ZNF493: variants seen among roughly 807,000 people sequenced by gnomAD.
ZNF493 encodes the protein zinc finger protein 493.
ZNF493 carries 11 observed loss-of-function variants against 12.2 expected under a neutral mutation model. The ratio of observed to expected loss-of-function variants is 0.90; its 90% CI spans 0.57 to 1.50. The LOEUF (loss-of-function observed/expected upper bound fraction) is 1.50, where lower values mean the gene tolerates loss of function less well. ZNF493 is among the 40% of genes most tolerant of loss of function. The pLI is 0.00. For synonymous variants in ZNF493, 286 were observed against 302.6 expected, an observed-to-expected ratio of 0.95 and a Z score of 0.57; for missense variants, 950 against 906.6, an observed-to-expected ratio of 1.05 and a Z score of -0.61.
intron 3 of ZNF493, chr19:21,413,036 G>T (rs2030374677): frequency 1.3e-5 from 4 of 317,570 alleles, no homozygotes; most frequent in South Asian, 1.0e-4. Flanking sequence ...ACACAGTGTG[G>T]CTGTGGCACA....
At chr19:21,399,067 G>A (rs905525444) in intron 1 of ZNF493, 1 of 152,588 alleles carries the variant, frequency 6.6e-6, no homozygotes, top group African/African-American at 2.4e-5. Context: ...GAGCACACAA[G>A]TGAGCAGGAG....
chr19:21,405,561 A>G (rs775078282), intron 2 of ZNF493, 200 bp from the exon 3 acceptor site: 13 of 1,251,284 alleles, frequency 1.0e-5, no homozygotes, highest in Non-Finnish European at 1.3e-5. Flanking sequence ...CTAATTTTTT[A>G]TCCATGAATA....
At chr19:21,408,198 T>C in intron 3 of ZNF493, 1 of 923,724 alleles carries the variant, frequency 1.1e-6, no homozygotes, top group Non-Finnish European at 1.3e-6. Context: ...TGATCTCAGC[T>C]CATCAAAACT....
Position 21,422,925 on chromosome 19 carries a change from ATTTTGCTGAAGAC to A in ZNF493, c.273_285del (p.Glu92GlnfsTer12), listed in dbSNP as rs756497176. On this transcript the variant is annotated frameshift_variant, in exon 4 of 4. Transcript: ENST00000392288. LOFTEE classifies it low-confidence loss of function (END_TRUNC). ...TTATTTCTTTCAGTTATATGTTCTC[ATTTTGCTGAAGAC>A]TTTTGCCCAGGGCCAGGCATTAAAG... 1 of 1,555,460 alleles carries A rather than the reference ATTTTGCTGAAGAC, an allele frequency of 6.4e-7. No homozygotes were observed. The highest frequency in any genetic ancestry group is 8.7e-7 in the Non-Finnish European group (1 of 1,156,052).
Position 21,425,204 on chromosome 19 carries a change from C to A in ZNF493, c.*220C>A. On this transcript the variant is annotated 3_prime_UTR_variant, in exon 4 of 4. Transcript: ENST00000392288. ...AATTCTACAGATGTGAAGAATGTGG[C>A]AAAGGCTTTAATTAGTTCTCATCCC... The A allele has an allele frequency of 1.6e-6, 1 of 636,688 alleles. No individual in the cohort carries two copies. The highest frequency in any genetic ancestry group is 2.7e-5 in the Admixed American group (1 of 37,092). 39.4% of individuals were successfully genotyped at this position (636,688 alleles called of 1,614,324 possible). A position where few individuals can be genotyped will look rare whatever the true frequency, so the allele number is the denominator to read the frequency against.
At position 21,405,761 on chromosome 19, in the gene ZNF493, G is replaced by T. The variant is rs750115172; in HGVS notation, c.158G>T (p.Gly53Val). The T allele has an allele frequency of 3.1e-6, 5 of 1,609,416 alleles. No individual in the cohort carries two copies. In the South Asian group the frequency reaches 3.3e-5, roughly 11 times the overall value. Residue 53 changes from glycine to valine, a missense_variant and splice_region_variant, in exon 3 of 4, where the codon GGT (glycine) becomes GTT (valine). Physicochemically the swap from Gly to Val is moderately radical, Grantham distance 109. Coordinates refer to ENST00000392288, the MANE Select transcript of ZNF493 (RefSeq NM_001076678.3). ...ATGTTATTTATTTTTAATAAAGCAGGTATTGCTGTCTCTAAGCCAGATCTG... is the reference window on the plus strand; with the variant it reads ...ATGTTATTTATTTTTAATAAAGCAGTTATTGCTGTCTCTAAGCCAGATCTG... The part of the protein sequence containing the change: ...LENYRNLVFL[G>V]IAVSKPDLVT...
At chr19:21,421,952 TCTC>T (rs1174607285) in intron 3 of ZNF493, among the ~76,000 whole-genome samples, 1 of 152,086 alleles carries the variant, frequency 6.6e-6, no homozygotes, top group Non-Finnish European at 1.5e-5. Context: ...TTCAAGCAAT[TCTC>T]CTGCCACAGC....
rs575572583 is a variant in ZNF493 at position 21,405,675 on chromosome 19, A to G, written c.158-86A>G. 4.2e-6 allele frequency: 5 copies of G among 1,191,740 alleles called. No homozygotes were observed. In the African/African-American group the frequency reaches 4.7e-5, roughly 11 times the overall value. The allele number at this position is 1,191,740 out of a possible 1,614,324, so 73.8% of individuals were successfully genotyped here. ...TGGGATAAATTTTCTAGAATATTCT[A>G]TTACATCCTCTTTACTAAGCATGGT... On this transcript the variant is annotated intron_variant, in intron 2 of 3. Coordinates refer to ENST00000392288, the MANE Select transcript of ZNF493 (RefSeq NM_001076678.3).
intron 3 of ZNF493, among the ~76,000 whole-genome samples, chr19:21,411,037 GC>G (rs1349085132): frequency 3.3e-5 from 5 of 151,994 alleles, no homozygotes; most frequent in Non-Finnish European, 5.9e-5. Context: ...TGATCCACCT[GC>G]CTTGGCCTCC....
chr19:21,418,825 G>A (rs1358620609), intron 3 of ZNF493, among the ~76,000 whole-genome samples: 1 of 152,094 alleles, frequency 6.6e-6, no homozygotes, highest in African/African-American at 2.4e-5. Flanking sequence ...TTTTTTTTGT[G>A]GTTTAAGAAT....
intron 1 of ZNF493, 53 bp from the exon 2 acceptor site, chr19:21,405,076 G>T: frequency 1.3e-6 from 2 of 1,535,554 alleles, no homozygotes; most frequent in Non-Finnish European, 1.7e-6. Flanking sequence ...GATAAATTTT[G>T]CCCACGTGTA....
rs1019962818 is a variant in ZNF493, at chr19:21,408,531, C to T, written c.253+2675C>T. ...ATTTTACTGCCAATTTTTCAAAATA[C>T]CTGCTTTTGATGAGTACAGTTACAG... On this transcript the variant is annotated intron_variant, in intron 3 of 3. Transcript: ENST00000392288. The T allele has an allele frequency of 7.1e-6, 7 of 983,792 alleles. No homozygotes were observed. In the African/African-American group the frequency reaches 1.0e-4, roughly 15 times the overall value. The allele number at this position is 983,792 out of a possible 1,614,324, so 60.9% of individuals were successfully genotyped here. A position where few individuals can be genotyped will look rare whatever the true frequency, so the allele number is the denominator to read the frequency against.
At chr19:21,421,909 G>C (rs1413274641) in intron 3 of ZNF493, among the ~76,000 whole-genome samples, 1 of 151,952 alleles carries the variant, frequency 6.6e-6, no homozygotes, top group Non-Finnish European at 1.5e-5. Flanking sequence ...GCAGTGGCAC[G>C]ATCTCAGTTC....
In ZNF493 at chr19:21,416,801, C is replaced by T. The variant is rs571944133; in HGVS notation, c.254-6112C>T. The stretch of plus-strand genomic sequence containing the variant: ...GAAGTAGATATAACAATTTGAATTT[C>T]CCCATTGTAGTCTTGAATCAGTGAC... On this transcript the variant is annotated intron_variant, in intron 3 of 3. Coordinates refer to ENST00000392288, the MANE Select transcript of ZNF493 (RefSeq NM_001076678.3). 1.2e-4 allele frequency among the ~76,000 whole-genome samples: 19 copies of T among 152,286 alleles called. No individual in the cohort carries two copies. In the East Asian group the frequency reaches 3.5e-3, roughly 28 times the overall value.
At chr19:21,402,037 G>A (rs7248604) in intron 1 of ZNF493, among the ~76,000 whole-genome samples, 2,048 of 151,448 alleles carry the variant, frequency 0.014, 54 homozygotes, top group African/African-American at 0.046. Flanking sequence ...GCACGATCTC[G>A]GCTCACTGCA....
At chr19:21,420,779 T>G (rs2030653525) in intron 3 of ZNF493, among the ~76,000 whole-genome samples, 1 of 145,098 alleles carries the variant, frequency 6.9e-6, no homozygotes, top group Non-Finnish European at 1.5e-5. Flanking sequence ...TGAGACGAAG[T>G]TTTGCTATTG....
At chr19:21,407,653 T>TA in intron 3 of ZNF493, 1 of 969,936 alleles carries the variant, frequency 1.0e-6, no homozygotes. Flanking sequence ...AACAATAACT[T>TA]ACACTTTTAT....
Position 21,424,217 on chromosome 19 carries a change from G to A in ZNF493, c.1558G>A (p.Glu520Lys). ...TACTGGAGAAAAACCCTACAAATGT[G>A]AAGAATGTGGCAAAGCTTTTAAACG... ...IHTGEKPYKC[E>K]ECGKAFKRSS... The change falls in exon 4 of 4, where the codon GAA (glutamate) becomes AAA (lysine). Residue 520 changes from glutamate to lysine, a missense_variant. Coordinates refer to ENST00000392288, the MANE Select transcript of ZNF493 (RefSeq NM_001076678.3). 6.2e-7 allele frequency: 1 copy of A among 1,612,428 alleles called. No homozygotes were observed. Among genetic ancestry groups the A allele is most frequent in the Non-Finnish European group, 8.5e-7 (1 of 1,178,988 alleles).
At chr19:21,414,953 T>TA (rs1433399013) in intron 3 of ZNF493, among the ~76,000 whole-genome samples, 1 of 152,216 alleles carries the variant, frequency 6.6e-6, no homozygotes, top group African/African-American at 2.4e-5. Context: ...GTTTGCCAAG[T>TA]AAGACTATTT....
Sources: gnomAD v4.1 joint callset for allele counts (sites outside exome capture counted in the v4.1 genomes callset) on GRCh38, gnomAD v4.1.1 for gene constraint, MANE v1.5 for transcripts, NCBI Gene and HGNC (gene_info 2026-07-23, HGNC 2026-07-21) for gene names.